Variants in PNMA6E observed in about 807,000 individuals in gnomAD.
PNMA6E encodes the protein PNMA family member 6E, also known as paraneoplastic antigen Ma6E.
For missense variants in PNMA6E, 78 were observed against 50.8 expected, an observed-to-expected ratio of 1.53 and a Z score of -1.63; for synonymous variants, 43 against 17.1, an observed-to-expected ratio of 2.52 and a Z score of -3.74.
upstream of PNMA6E, among the ~76,000 whole-genome samples, chrX:153,402,753 G>A (rs1460809998): frequency 2.2e-5 from 2 of 91,584 alleles, no homozygotes; most frequent in South Asian, 5.1e-4. Context: ...CATGTATCTC[G>A]AAACATCCTT....
rs1222961145 is a variant in PNMA6E at position 153,398,363 on chromosome X, C to T, written c.487G>A (p.Ala163Thr). ...EAGAAGEAGG[A>T]GEAGGVGEAG... ...TCACCTACACCTCCTGCCTCACCTG[C>T]GCCTCCTGCCTCACCTGCTGCTCCT... Residue 163 changes from alanine (A) to threonine (T), a missense_variant, in exon 2 of 2, where the codon GCA (alanine) becomes ACA (threonine). Ala to Thr is a moderately conservative substitution (Grantham distance 58). Coordinates refer to ENST00000445091, the MANE Select transcript of PNMA6E (RefSeq NM_001367770.1). 17 of 405,864 alleles carry T rather than the reference C, an allele frequency of 4.2e-5. No individual in the cohort carries two copies. Among genetic ancestry groups the T allele is most frequent in the East Asian group, 8.2e-5 (2 of 24,364 alleles). The allele number at this position is 405,864 out of a possible 1,213,427, so 33.4% of individuals were successfully genotyped here.
intron 1 of PNMA6E, among the ~76,000 whole-genome samples, chrX:153,400,428 C>T (rs1372369547): frequency 3.6e-5 from 4 of 112,378 alleles, no homozygotes; most frequent in African/African-American, 1.3e-4. Flanking sequence ...CTGCCCCCAA[C>T]GTGCCCTTCC....
At chrX:153,407,795 G>T in the PNMA6E span, among the ~76,000 whole-genome samples, 1 of 112,251 alleles carries the variant, frequency 8.9e-6, no homozygotes, top group East Asian at 2.8e-4. Context: ...GTGTTCCTGG[G>T]GCAACTGTTA....
chrX:153,400,163 G>T (rs1556971012), intron 1 of PNMA6E, among the ~76,000 whole-genome samples: 1 of 112,194 alleles, frequency 8.9e-6, no homozygotes, highest in East Asian at 2.8e-4. Flanking sequence ...TTCTACAGAG[G>T]CCAAGGTCTG....
chrX:153,399,415 G>A (rs902766359), intron 1 of PNMA6E, among the ~76,000 whole-genome samples: 1 of 110,394 alleles, frequency 9.1e-6, no homozygotes, highest in African/African-American at 3.3e-5. Flanking sequence ...GCTTGATCTC[G>A]GCTCAGTGCA....
rs781786160 is a variant in PNMA6E, at chrX:153,398,786, G to A, written c.64C>T (p.Leu22Phe). Residue 22 changes from leucine to phenylalanine, a missense_variant, in exon 2 of 2, where the codon CTC (leucine) becomes TTC (phenylalanine). Coordinates refer to ENST00000445091, the MANE Select transcript of PNMA6E (RefSeq NM_001367770.1). The part of the protein sequence containing the change: ...WMGANAERSL[L>F]ILGIPDDCKE... ...CAGTCATCAGGGATACCCAGGATGAGCAGGGAGCGCTCTGCGTTCGCACCC... is the reference window on the plus strand; with the variant it reads ...CAGTCATCAGGGATACCCAGGATGAACAGGGAGCGCTCTGCGTTCGCACCC... The A allele has an allele frequency of 9.9e-6, 3 of 302,493 alleles. No homozygotes were observed. The highest frequency in any genetic ancestry group is 9.4e-5 in the East Asian group (2 of 21,175). 24.9% of individuals were successfully genotyped at this position (302,493 alleles called of 1,213,427 possible).
chrX:153,407,437 A>G, the PNMA6E span, among the ~76,000 whole-genome samples: 1 of 110,344 alleles, frequency 9.1e-6, no homozygotes, highest in Non-Finnish European at 1.9e-5. Flanking sequence ...TGGGGCCATA[A>G]TAGCTCACTG....
In PNMA6E at chrX:153,398,754, T is replaced by C. The variant is rs1257039904; in HGVS notation, c.96A>G (p.Glu32=). ...LILGIPDDCK[E]HEFQEAVRAA... is the part of the protein sequence containing the mutation. ...CCCGCACGGCCTCCTGGAACTCATGTTCCTTGCAGTCATCAGGGATACCCA... is the reference window on the plus strand; with the variant it reads ...CCCGCACGGCCTCCTGGAACTCATGCTCCTTGCAGTCATCAGGGATACCCA... The change falls in exon 2 of 2, where the codon GAA becomes GAG. Residue 32 remains glutamate (E), a synonymous_variant. Transcript: ENST00000445091. 1 of 304,445 alleles carries C rather than the reference T, an allele frequency of 3.3e-6. No homozygotes were observed. Among genetic ancestry groups the C allele is most frequent in the Non-Finnish European group, 5.7e-6 (1 of 174,745 alleles). 25.1% of individuals were successfully genotyped at this position (304,445 alleles called of 1,213,427 possible).
At chrX:153,412,601 T>C in the PNMA6E span, among the ~76,000 whole-genome samples, 19,725 of 111,432 alleles carry the variant, frequency 0.18, 1,406 homozygotes, top group East Asian at 0.38. Flanking sequence ...TTGAAGGTGG[T>C]AAAAGAGCGA....
chrX:153,409,907 G>A, the PNMA6E span, among the ~76,000 whole-genome samples: 5 of 112,360 alleles, frequency 4.4e-5, no homozygotes, highest in Middle Eastern at 4.6e-3. Context: ...TGGATGATGC[G>A]GGTGCAAAGG....
In PNMA6E at chrX:153,397,527, G is replaced by A. The variant is rs782537890; in HGVS notation, c.1323C>T (p.Ala441=). The change falls in exon 2 of 2, where the codon GCC becomes GCT. Residue 441 remains alanine (A), a synonymous_variant. Transcript: ENST00000445091. ...GLLQRAVEKG[A]VCPALANYLR... ...GGTAATTGGCCAAGGCTGGGCAGAC[G>A]GCCCCCTTCTCCACAGCCCTCTGCA... 86 of 297,737 alleles carry A rather than the reference G, an allele frequency of 2.9e-4. No homozygotes were observed. The highest frequency in any genetic ancestry group is 1.8e-3 in the Middle Eastern group (2 of 1,135). The allele number at this position is 297,737 out of a possible 1,213,427, so 24.5% of individuals were successfully genotyped here.
At position 153,396,059 on chromosome X, in the gene PNMA6E, T is replaced by A. The variant is rs1372610243; in HGVS notation, c.*847A>T. On this transcript the variant is annotated 3_prime_UTR_variant, in exon 2 of 2. Coordinates refer to ENST00000445091, the MANE Select transcript of PNMA6E (RefSeq NM_001367770.1). The stretch of plus-strand genomic sequence containing the variant: ...CTTGTGGATCCTCACGCAGCCCCGC[T>A]GTGCCCCGGGTCCGGTTCTTCTTCC... 1 of 119,309 alleles carries A rather than the reference T, an allele frequency of 8.4e-6. No homozygotes were observed. Among genetic ancestry groups the A allele is most frequent in the African/African-American group, 3.2e-5 (1 of 30,968 alleles). The allele number at this position is 119,309 out of a possible 1,213,427, so 9.8% of individuals were successfully genotyped here.
At chrX:153,409,380 C>T in the PNMA6E span, among the ~76,000 whole-genome samples, 8 of 113,015 alleles carry the variant, frequency 7.1e-5, no homozygotes, top group Admixed American at 3.7e-4. Context: ...TCTCAGGAGG[C>T]CCCAGGCCTC....
rs782500999 is a variant in PNMA6E, at chrX:153,396,792, G to C, written c.*114C>G. The C allele has an allele frequency of 2.4e-5, 7 of 295,511 alleles. No homozygotes were observed. The highest frequency in any genetic ancestry group is 1.4e-4 in the African/African-American group (5 of 36,753). The allele number at this position is 295,511 out of a possible 1,213,427, so 24.4% of individuals were successfully genotyped here. ...GTGGTGGCCAGAGCCCCTTGGGGGAGGTGGGGGGCCCTTACTCCTGAATGT... is the reference window on the plus strand; with the variant it reads ...GTGGTGGCCAGAGCCCCTTGGGGGACGTGGGGGGCCCTTACTCCTGAATGT... On this transcript the variant is annotated 3_prime_UTR_variant, in exon 2 of 2. Transcript: ENST00000445091.
At chrX:153,399,650 C>T (rs2088835827) in intron 1 of PNMA6E, among the ~76,000 whole-genome samples, 1 of 111,668 alleles carries the variant, frequency 9.0e-6, no homozygotes, top group Admixed American at 9.5e-5. Context: ...GCCTAGCCCC[C>T]TCTCATCTTA....
At chrX:153,404,918 C>A (rs1167857868), upstream of PNMA6E, among the ~76,000 whole-genome samples, 1 of 112,427 alleles carries the variant, frequency 8.9e-6, no homozygotes, top group South Asian at 3.7e-4. Flanking sequence ...GGTGTTAACC[C>A]CCTATGGTTT....
rs1873804271 is a variant in PNMA6E, at chrX:153,396,322, G to A, written c.*584C>T. 1 of 120,519 alleles carries A rather than the reference G, an allele frequency of 8.3e-6. No individual in the cohort carries two copies. Among genetic ancestry groups the A allele is most frequent in the Non-Finnish European group, 1.9e-5 (1 of 53,304 alleles). 9.9% of individuals were successfully genotyped at this position (120,519 alleles called of 1,213,427 possible). A position where few individuals can be genotyped will look rare whatever the true frequency, so the allele number is the denominator to read the frequency against. The stretch of plus-strand genomic sequence containing the variant: ...AGCCTGGGCTCGCAGGAAGCTCACA[G>A]CACGTGCCCCGGGCCCAGAGGTGGC... On this transcript the variant is annotated 3_prime_UTR_variant, in exon 2 of 2. Transcript: ENST00000445091.
At chrX:153,411,969 C>A in the PNMA6E span, among the ~76,000 whole-genome samples, 1 of 112,774 alleles carries the variant, frequency 8.9e-6, no homozygotes, top group African/African-American at 3.2e-5. Flanking sequence ...TTCCAGCCAC[C>A]GGTCCCGAGG....
the PNMA6E span, among the ~76,000 whole-genome samples, chrX:153,408,162 G>A: frequency 8.8e-5 from 10 of 113,012 alleles, no homozygotes; most frequent in South Asian, 2.5e-3. Flanking sequence ...CAGTGAGAAC[G>A]GCAGTGGCCA....
Sources: gnomAD v4.1 joint callset for allele counts (sites outside exome capture counted in the v4.1 genomes callset) on GRCh38, gnomAD v4.1.1 for gene constraint, MANE v1.5 for transcripts, NCBI Gene and HGNC (gene_info 2026-07-23, HGNC 2026-07-21) for gene names.